CCDC39: variants seen among roughly 807,000 people sequenced by gnomAD.
The protein encoded by CCDC39 is coiled-coil domain-containing protein 39.
A neutral mutation model predicts 121.0 loss-of-function variants in CCDC39; 113 were observed. The observed-to-expected ratio is 0.93, with a 90% CI of 0.80 to 1.09. The LOEUF is 1.09. CCDC39 is among the 50% of genes least tolerant of loss of function. CCDC39 has a pLI of 0.00. For missense variants in CCDC39, 1,063 were observed against 1,074.7 expected (o/e 0.99, Z 0.15); for synonymous variants, 349 against 352.2 (o/e 0.99, Z 0.10).
intron 1 of CCDC39, among the ~76,000 whole-genome samples, chr3:180,675,797 A>G (rs1477335603): frequency 6.6e-6 from 1 of 152,114 alleles, no homozygotes; most frequent in East Asian, 1.9e-4. Context: ...CAAAACAGAG[A>G]TATAGACCAA....
intron 3 of CCDC39, 144 bp downstream of exon 3, chr3:180,661,717 C>G (rs1280551487): frequency 1.5e-6 from 1 of 662,762 alleles, no homozygotes; most frequent in African/African-American, 1.8e-5. Flanking sequence ...CTCCATGTGC[C>G]TTTCACTGTC....
chr3:180,625,882 G>A (rs949545225), intron 14 of CCDC39, among the ~76,000 whole-genome samples: 1 of 151,900 alleles, frequency 6.6e-6, no homozygotes, highest in South Asian at 2.1e-4. Flanking sequence ...TGGGCTGAGT[G>A]TATCTATTCT....
At chr3:180,656,683 A>G (rs1460307879) in intron 6 of CCDC39, among the ~76,000 whole-genome samples, 2 of 152,062 alleles carry the variant, frequency 1.3e-5, no homozygotes, top group Non-Finnish European at 2.9e-5. Context: ...CAGGTCATAA[A>G]GAACTTGCTG....
At position 180,651,503 on chromosome 3, in the gene CCDC39, T is replaced by G. The variant is rs200840073; in HGVS notation, c.1065A>C (p.Ile355=). Reference sequence around the variant, plus strand: ...TTATCTCCTTTAATTTTGTTTGTATTATCTCATTATGATTTTTAGTTTTTT... The same window carrying G: ...TTATCTCCTTTAATTTTGTTTGTATGATCTCATTATGATTTTTAGTTTTTT... ...RLQKTKNHNE[I]IQTKLKEITE... The change falls in exon 9 of 20, where the codon ATA becomes ATC. Residue 355 remains isoleucine (I), a synonymous_variant. Transcript: ENST00000476379. The G allele has an allele frequency of 2.3e-5, 35 of 1,533,026 alleles. No individual in the cohort carries two copies. Among genetic ancestry groups the G allele is most frequent in the Non-Finnish European group, 2.9e-5 (33 of 1,140,484 alleles). The allele number at this position is 1,533,026 out of a possible 1,614,324, so 95.0% of individuals were successfully genotyped here.
At chr3:180,641,848 T>C (rs1319315966) in intron 13 of CCDC39, 145 bp downstream of exon 13, 1 of 480,238 alleles carries the variant, frequency 2.1e-6, no homozygotes, top group Non-Finnish European at 3.7e-6. Context: ...TTTATGGCTA[T>C]AACATGCCCT....
intron 14 of CCDC39, among the ~76,000 whole-genome samples, chr3:180,628,207 A>G (rs1403047280): frequency 6.6e-6 from 1 of 152,116 alleles, no homozygotes; most frequent in Admixed American, 6.5e-5. Context: ...CAGATGTATC[A>G]GATATATATT....
chr3:180,623,078 TTTATTATTATTATTA>T (rs60546376), intron 14 of CCDC39, among the ~76,000 whole-genome samples: 1,955 of 144,980 alleles, frequency 0.013, 53 homozygotes, highest in African/African-American at 0.047. Context: ...TTTGGAGATT[TTTATTATTATTATTA>T]TTATTATTAT....
chr3:180,647,863 T>C (rs1427056673), intron 10 of CCDC39, among the ~76,000 whole-genome samples: 2 of 152,042 alleles, frequency 1.3e-5, no homozygotes, highest in Non-Finnish European at 2.9e-5. Flanking sequence ...TTTCTCGGTT[T>C]CAGATATCTC....
chr3:180,663,616 G>A (rs1314090639), intron 2 of CCDC39, among the ~76,000 whole-genome samples: 2 of 151,036 alleles, frequency 1.3e-5, no homozygotes, highest in African/African-American at 4.9e-5. Context: ...GTTGCAGTGA[G>A]CTGAGATCAC....
At chr3:180,653,066 A>G (rs146641770) in intron 7 of CCDC39, among the ~76,000 whole-genome samples, 2 of 152,328 alleles carry the variant, frequency 1.3e-5, no homozygotes, top group Non-Finnish European at 2.9e-5. Flanking sequence ...ACATGGTCAT[A>G]CTATTCAAAG....
chr3:180,643,098 T>C (rs1308983341), intron 12 of CCDC39, among the ~76,000 whole-genome samples: 1 of 152,026 alleles, frequency 6.6e-6, no homozygotes, highest in African/African-American at 2.4e-5. Flanking sequence ...TAGCTGGGAC[T>C]ATAGGCGCCC....
At chr3:180,677,912 T>A (rs1712280520) in intron 1 of CCDC39, among the ~76,000 whole-genome samples, 1 of 152,134 alleles carries the variant, frequency 6.6e-6, no homozygotes, top group South Asian at 2.1e-4. Flanking sequence ...AATGTCAGAG[T>A]TTAAAAAGCA....
At chr3:180,631,311 A>G (rs1475721772) in intron 14 of CCDC39, among the ~76,000 whole-genome samples, 158 bp downstream of exon 14, 1 of 152,214 alleles carries the variant, frequency 6.6e-6, no homozygotes, top group Non-Finnish European at 1.5e-5. Flanking sequence ...GGCCTTTGTT[A>G]AGTGTAATAG....
At position 180,651,455 on chromosome 3, in the gene CCDC39, T is replaced by C; in HGVS notation, c.1113A>G (p.Glu371=). ...KEITEKTMSV[E]EKATNLEDML... ...TATCTTCCAAATTAGTAGCTTTCTC[T>C]TCTACAGACATGGTTTTCTCAGTTA... is the stretch of plus-strand genomic sequence containing the variant. The change falls in exon 9 of 20, where the codon GAA becomes GAG. Residue 371 remains glutamate (E), a synonymous_variant. Transcript: ENST00000476379. 6.4e-7 allele frequency: 1 copy of C among 1,556,492 alleles called. No individual in the cohort carries two copies. The highest frequency in any genetic ancestry group is 8.7e-7 in the Non-Finnish European group (1 of 1,148,268).
At chr3:180,629,351 T>C (rs1717640030) in intron 14 of CCDC39, among the ~76,000 whole-genome samples, 1 of 152,240 alleles carries the variant, frequency 6.6e-6, no homozygotes, top group Non-Finnish European at 1.5e-5. Context: ...CTGGCCAAAA[T>C]TCATTTACAT....
At chr3:180,674,462 C>T (rs1165297621) in intron 1 of CCDC39, among the ~76,000 whole-genome samples, 1 of 152,062 alleles carries the variant, frequency 6.6e-6, no homozygotes, top group Admixed American at 6.6e-5. Context: ...TAATTGAATA[C>T]CCTTTATTTC....
chr3:180,646,802 A>G (rs573111351), intron 11 of CCDC39, among the ~76,000 whole-genome samples: 12 of 152,230 alleles, frequency 7.9e-5, no homozygotes, highest in African/African-American at 2.6e-4. Context: ...TACTTACTCT[A>G]TAAAACAGAT....
chr3:180,653,021 C>A, intron 7 of CCDC39, among the ~76,000 whole-genome samples: 1 of 152,094 alleles, frequency 6.6e-6, no homozygotes, highest in African/African-American at 2.4e-5. Flanking sequence ...ATAAAGATAT[C>A]CTGTGTTCAT....
In CCDC39 at chr3:180,654,914, T is replaced by C; in HGVS notation, c.778A>G (p.Asn260Asp). ...RIKQETREKE[N>D]LVKEKIKFLE... ...AACTTGATCTTTTCTTTAACCAAAT[T>C]TTCTTTTTCTCTCGTTTCCTGCTTT... Residue 260 changes from asparagine to aspartate, a missense_variant, in exon 7 of 20, where the codon AAT becomes GAT. Asn to Asp is a conservative substitution (Grantham distance 23, BLOSUM62 1). Coordinates refer to ENST00000476379, the MANE Select transcript of CCDC39 (RefSeq NM_181426.2). The C allele has an allele frequency of 6.3e-7, 1 of 1,586,052 alleles. No homozygotes were observed. The highest frequency in any genetic ancestry group is 8.5e-7 in the Non-Finnish European group (1 of 1,169,652).
Sources: gnomAD v4.1 joint callset for allele counts (sites outside exome capture counted in the v4.1 genomes callset) on GRCh38, gnomAD v4.1.1 for gene constraint, MANE v1.5 for transcripts, NCBI Gene and HGNC (gene_info 2026-07-23, HGNC 2026-07-21) for gene names.